Variants in SLC1A6 observed in about 807,000 individuals in gnomAD.
SLC1A6 encodes the protein solute carrier family 1 member 6.
Under a neutral mutation model 42.1 loss-of-function variants are expected in SLC1A6, and 15 were observed. That is an observed-to-expected ratio of 0.36 (90% confidence interval 0.24 to 0.55). The LOEUF (loss-of-function observed/expected upper bound fraction) is 0.55. Ranked by LOEUF, SLC1A6 falls within the 20% of genes least tolerant of loss-of-function variation. The pLI is 0.88. For missense variants in SLC1A6, 542 were observed against 772.5 expected (o/e 0.70, Z 3.54); for synonymous variants, 317 against 319.7 (o/e 0.99, Z 0.09).
At chr19:14,951,273 A>AAAAAAAGAAAG (rs2045410503) in intron 9 of SLC1A6, among the ~76,000 whole-genome samples, 15 of 99,788 alleles carry the variant, frequency 1.5e-4, no homozygotes, top group Admixed American at 3.9e-4. Flanking sequence ...AAAAAAAAAA[A>AAAAAAAGAAAG]AAAAAGAAAG....
At chr19:14,985,123 C>G (rs1203011339) in intron 1 of SLC1A6, among the ~76,000 whole-genome samples, 1 of 152,218 alleles carries the variant, frequency 6.6e-6, no homozygotes, top group Non-Finnish European at 1.5e-5. Flanking sequence ...CTTAGGTGAT[C>G]CGCCCGCATC....
rs71168538 is a variant in SLC1A6 at position 14,998,021 on chromosome 19, G to GTGTGTGTGTA, written c.6+12463_6+12464insTACACACACA. Among the ~76,000 whole-genome samples, 487 of 151,486 alleles carry GTGTGTGTGTA rather than the reference G, an allele frequency of 3.2e-3. 2 individuals carry two copies. The highest frequency in any genetic ancestry group is 0.012 in the African/African-American group (482 of 41,234). On this transcript the variant is annotated intron_variant, in intron 1 of 8. Coordinates refer to the SLC1A6 transcript ENST00000430939. ...ATGATGTTTGTGTGTGTGTGTGTGT[G>GTGTGTGTGTA]TATGCACTATGGAATGAATAAATCA...
rs1196976305 is a variant in SLC1A6, at chr19:14,979,820, C to G, written c.-519G>C. On this transcript the variant is annotated 5_prime_UTR_variant, in exon 1 of 10. Coordinates refer to ENST00000594383, the MANE Select transcript of SLC1A6 (RefSeq NM_005071.3). The surrounding 1 kb of genome is among the most constrained non-coding windows in gnomAD (Gnocchi z 4.2). ...CCGCGCCCAGCCCAGGCTCCGCAGC[C>G]GTGTGGGAGAAGGGGGACAGCGTGC... 5 of 128,898 alleles carry G rather than the reference C, an allele frequency of 3.9e-5. No homozygotes were observed. The East Asian group carries it at 1.3e-3, about 35-fold the overall frequency. 8.0% of individuals were successfully genotyped at this position (128,898 alleles called of 1,614,324 possible).
intron 1 of SLC1A6, among the ~76,000 whole-genome samples, chr19:14,975,590 A>G (rs1005625624): frequency 2.0e-5 from 3 of 151,982 alleles, no homozygotes; most frequent in African/African-American, 4.8e-5. Flanking sequence ...CCCCATCTCT[A>G]TGAAAAATAC....
intron 1 of SLC1A6, among the ~76,000 whole-genome samples, chr19:14,993,466 C>T (rs773803103): frequency 6.6e-6 from 1 of 152,122 alleles, no homozygotes; most frequent in African/African-American, 2.4e-5. Flanking sequence ...TTAAAAAAAT[C>T]AATCTCCTTC....
upstream of SLC1A6, among the ~76,000 whole-genome samples, chr19:14,982,640 A>G (rs1461037109): frequency 6.6e-6 from 1 of 152,264 alleles, no homozygotes; most frequent in Non-Finnish European, 1.5e-5. Flanking sequence ...GAAATATATT[A>G]ATAACAAGTG....
chr19:15,010,172 C>A (rs1187076094), intron 1 of SLC1A6, among the ~76,000 whole-genome samples: 2 of 126,458 alleles, frequency 1.6e-5, no homozygotes, highest in East Asian at 2.2e-4. Flanking sequence ...GACGACAGTG[C>A]AAGACTCTAT....
chr19:14,998,565 A>AAAC (rs1312670241), intron 1 of SLC1A6, among the ~76,000 whole-genome samples: 6 of 152,096 alleles, frequency 3.9e-5, no homozygotes, highest in East Asian at 1.9e-4. Context: ...ACAAAAAAAT[A>AAAC]AACAACAACA....
At chr19:14,975,870 G>GAAGGGGAAGGGGAC (rs2045702666) in intron 1 of SLC1A6, among the ~76,000 whole-genome samples, 1 of 50,868 alleles carries the variant, frequency 2.0e-5, no homozygotes, top group Non-Finnish European at 3.9e-5. Context: ...GGAAGGGAAG[G>GAAGGGGAAGGGGAC]AAAGGGAAGG....
chr19:14,989,809 T>C (rs1306245585), intron 1 of SLC1A6, among the ~76,000 whole-genome samples: 1 of 142,638 alleles, frequency 7.0e-6, no homozygotes, highest in Admixed American at 7.0e-5. Flanking sequence ...CTGGCCAACA[T>C]GGTGAAAACC....
At chr19:14,953,162 A>G in intron 8 of SLC1A6, 100 bp from the exon 9 acceptor site, 11 of 885,794 alleles carry the variant, frequency 1.2e-5, no homozygotes, top group Non-Finnish European at 1.9e-5. Context: ...CAGCTCCCCA[A>G]GGCATTTTAA....
Position 14,950,227 on chromosome 19 carries a change from G to T in SLC1A6, c.1663C>A (p.Arg555=). The part of the protein sequence containing the change: ...SLMAQEKGAS[R]GRGGNESAM ...GCACTCTCGTTGCCTCCCCGTCCCC[G>T]GGATGCCCCCTTCTCCTGTGCCATG... is the stretch of plus-strand genomic sequence containing the variant. Residue 555 remains arginine, a synonymous_variant, in exon 10 of 10, where the codon CGG becomes AGG. Transcript: ENST00000594383. The T allele has an allele frequency of 1.3e-6, 2 of 1,589,228 alleles. No individual in the cohort carries two copies. Among genetic ancestry groups the T allele is most frequent in the Non-Finnish European group, 8.6e-7 (1 of 1,162,880 alleles).
At chr19:14,964,253 C>T (rs1249181280) in intron 5 of SLC1A6, 66 bp downstream of exon 5, 3 of 1,369,074 alleles carry the variant, frequency 2.2e-6, no homozygotes, top group Admixed American at 3.4e-5. Flanking sequence ...CTTGGACCAT[C>T]CCTTCAGCCC....
At chr19:14,980,063 C>T (rs2045757261), upstream of SLC1A6, 1 of 152,308 alleles carries the variant, frequency 6.6e-6, no homozygotes, top group Non-Finnish European at 1.5e-5. Context: ...GAAGGCGCGG[C>T]TCTAGTGTCC....
chr19:14,990,488 G>C (rs1219955670), intron 1 of SLC1A6, among the ~76,000 whole-genome samples: 1 of 152,182 alleles, frequency 6.6e-6, no homozygotes, highest in Non-Finnish European at 1.5e-5. Flanking sequence ...GAATAATTTT[G>C]GCTGGGTGCA....
chr19:14,958,150 C>T (rs1029290334), intron 6 of SLC1A6, among the ~76,000 whole-genome samples: 2 of 152,100 alleles, frequency 1.3e-5, no homozygotes, highest in Admixed American at 6.5e-5. Flanking sequence ...GTGGCTCATG[C>T]CTGTAATCCC....
chr19:14,984,080 C>G (rs1421674235), upstream of SLC1A6, among the ~76,000 whole-genome samples: 1 of 152,034 alleles, frequency 6.6e-6, no homozygotes, highest in Non-Finnish European at 1.5e-5. Flanking sequence ...GAGGCTGAGG[C>G]GGGCGGATCA....
At position 14,954,231 on chromosome 19, in the gene SLC1A6, T is replaced by C. The variant is rs2045439675; in HGVS notation, c.1268A>G (p.Asn423Ser). ...RFVLPVGATVNMDGTALYEAL... is the reference protein window; with the variant it reads ...RFVLPVGATVSMDGTALYEAL... ...CTCGTAGAGGGCAGTGCCATCCATGTTGACCGTGGCGCCCACGGGCAGGAC... is the reference window on the plus strand; with the variant it reads ...CTCGTAGAGGGCAGTGCCATCCATGCTGACCGTGGCGCCCACGGGCAGGAC... The change falls in exon 8 of 10, where the codon AAC (asparagine) becomes AGC (serine). Residue 423 changes from asparagine (N) to serine (S), a missense_variant. Transcript: ENST00000594383. 1 of 1,614,110 alleles carries C rather than the reference T, an allele frequency of 6.2e-7. No individual in the cohort carries two copies. The highest frequency in any genetic ancestry group is 8.5e-7 in the Non-Finnish European group (1 of 1,180,048).
Position 14,952,857 on chromosome 19 carries a change from C to T in SLC1A6, c.1499+71G>A, listed in dbSNP as rs576079856. On this transcript the variant is annotated intron_variant, in intron 9 of 9. Coordinates refer to ENST00000594383, the MANE Select transcript of SLC1A6 (RefSeq NM_005071.3). ...TTTGCTGGAATAAAAGTCCACAGGT[C>T]GAGGACGTTGCAGGGGAAAGCAGTG... The T allele has an allele frequency of 9.8e-6, 15 of 1,537,990 alleles. No individual in the cohort carries two copies. In the South Asian group the frequency reaches 1.0e-4, roughly 10 times the overall value.
Sources: allele counts gnomAD v4.1 joint callset (sites outside exome capture counted in the v4.1 genomes callset), GRCh38; gene constraint gnomAD v4.1.1; non-coding constraint Gnocchi (gnomAD v3.1); transcripts MANE v1.5; gene names NCBI Gene and HGNC (gene_info 2026-07-23, HGNC 2026-07-21).